SEC23A: variants seen among roughly 807,000 people sequenced by gnomAD.
SEC23A encodes the protein protein transport protein Sec23A.
Under a neutral mutation model 103.7 loss-of-function variants are expected in SEC23A, and 56 were observed. The observed-to-expected ratio is 0.54, with a 90% CI of 0.44 to 0.67. The LOEUF is 0.67. SEC23A is among the 30% of genes least tolerant of loss of function. The pLI is 0.00. For missense variants in SEC23A, 784 were observed against 936.4 expected (o/e 0.84, Z 2.12); for synonymous variants, 281 against 293.0 (o/e 0.96, Z 0.42).
chr14:39,102,516 C>G (rs1476766256), intron 1 of SEC23A, among the ~76,000 whole-genome samples: 2 of 152,178 alleles, frequency 1.3e-5, no homozygotes, highest in African/African-American at 4.8e-5. Context: ...AGAAAGAAAG[C>G]CCAGTGAGAT....
rs923252588 is a variant in SEC23A at position 39,085,640 on chromosome 14, T to C, written c.828+122A>G. On this transcript the variant is annotated intron_variant, in intron 7 of 19. Coordinates refer to ENST00000307712, the MANE Select transcript of SEC23A (RefSeq NM_006364.4). ...TCTTTGTTGATGCTGAGTGAGAGAA[T>C]AGGGAGGAAAAAAAGCACTTTGGTT... 3 of 1,155,244 alleles carry C rather than the reference T, an allele frequency of 2.6e-6. No individual in the cohort carries two copies. In the South Asian group the frequency reaches 3.8e-5, roughly 15 times the overall value. The allele number at this position is 1,155,244 out of a possible 1,614,324, so 71.6% of individuals were successfully genotyped here. A position where few individuals can be genotyped will look rare whatever the true frequency, so the allele number is the denominator to read the frequency against.
chr14:39,092,677 G>T, intron 3 of SEC23A, 50 bp from the exon 4 acceptor site: 1 of 1,058,840 alleles, frequency 9.4e-7, no homozygotes, highest in Non-Finnish European at 1.4e-6. Context: ...AGGCTAGAAA[G>T]ATTAATAAAA....
At position 39,074,595 on chromosome 14, in the gene SEC23A, C is replaced by T. The variant is rs140433917; in HGVS notation, c.988-65G>A. The stretch of plus-strand genomic sequence containing the variant: ...GTCCTATAAATCTTTTTTCCATTAA[C>T]AGATCAAAATGATCTAAGGACTAAA... On this transcript the variant is annotated intron_variant, in intron 8 of 19. Coordinates refer to ENST00000307712, the MANE Select transcript of SEC23A (RefSeq NM_006364.4). 1.7e-4 allele frequency: 165 copies of T among 969,980 alleles called. No individual in the cohort carries two copies. The African/African-American group carries it at 2.6e-3, about 16-fold the overall frequency. The allele number at this position is 969,980 out of a possible 1,614,324, so 60.1% of individuals were successfully genotyped here.
intron 14 of SEC23A, among the ~76,000 whole-genome samples, chr14:39,049,248 C>T (rs1052132210): frequency 1.3e-5 from 2 of 151,716 alleles, no homozygotes; most frequent in Admixed American, 6.6e-5. Context: ...GAGGCCAAGG[C>T]GGGCGGATCA....
chr14:39,079,851 T>A (rs1887161849), intron 7 of SEC23A, among the ~76,000 whole-genome samples: 2 of 152,054 alleles, frequency 1.3e-5, no homozygotes, highest in African/African-American at 4.8e-5. Context: ...TAAAATAAAA[T>A]AAAATCATAT....
intron 9 of SEC23A, among the ~76,000 whole-genome samples, chr14:39,067,764 G>A (rs945626476): frequency 4.0e-5 from 6 of 150,356 alleles, no homozygotes; most frequent in African/African-American, 1.5e-4. Context: ...ACAACCTCCT[G>A]GGCTCAAGTC....
intron 14 of SEC23A, among the ~76,000 whole-genome samples, chr14:39,049,856 G>A (rs1378685160): frequency 6.0e-5 from 9 of 151,184 alleles, no homozygotes; most frequent in Admixed American, 5.3e-4. Flanking sequence ...GCAGTGGCGC[G>A]ATCTCGGTTC....
chr14:39,099,491 T>TA (rs966494409), intron 1 of SEC23A, among the ~76,000 whole-genome samples: 1 of 152,164 alleles, frequency 6.6e-6, no homozygotes, highest in African/African-American at 2.4e-5. Context: ...CCTGCTACCA[T>TA]AAGCTTGACA....
chr14:39,095,566 G>A (rs570374781), intron 2 of SEC23A, among the ~76,000 whole-genome samples: 77 of 152,178 alleles, frequency 5.1e-4, no homozygotes, highest in Non-Finnish European at 8.8e-4. Flanking sequence ...CAAAGTGCTG[G>A]GATTACAGGC....
chr14:39,035,672 C>T (rs1405818674), intron 19 of SEC23A, among the ~76,000 whole-genome samples: 2 of 152,176 alleles, frequency 1.3e-5, no homozygotes, highest in Non-Finnish European at 2.9e-5. Context: ...CTCCTAGCCA[C>T]CTCCACAGAT....
intron 7 of SEC23A, among the ~76,000 whole-genome samples, chr14:39,081,094 T>A (rs148538834): frequency 2.1e-4 from 32 of 151,912 alleles, no homozygotes; most frequent in Middle Eastern, 3.4e-3. Flanking sequence ...CCCAGCTACT[T>A]GGGAGGAGTC....
At chr14:39,091,384 A>C in intron 5 of SEC23A, 93 bp downstream of exon 5, 1 of 841,666 alleles carries the variant, frequency 1.2e-6, no homozygotes, top group Non-Finnish European at 2.0e-6. Context: ...GTTATTCATA[A>C]TAAAAATTTG....
chr14:39,045,142 A>AT (rs762606695), intron 16 of SEC23A, 21 bp downstream of exon 16: 3 of 1,610,052 alleles, frequency 1.9e-6, no homozygotes, highest in Middle Eastern at 1.7e-4. Flanking sequence ...AGACCAATTT[A>AT]TTTTTTTCTG....
chr14:39,041,633 G>A (rs1373053290), intron 17 of SEC23A, among the ~76,000 whole-genome samples: 2 of 151,892 alleles, frequency 1.3e-5, no homozygotes, highest in East Asian at 3.9e-4. Flanking sequence ...ACTTCGGGAA[G>A]CCAACACGGG....
At chr14:39,101,546 C>G (rs1566520468) in intron 1 of SEC23A, among the ~76,000 whole-genome samples, 1 of 151,516 alleles carries the variant, frequency 6.6e-6, no homozygotes, top group South Asian at 2.1e-4. Flanking sequence ...TAGCTTGTAC[C>G]TGGGAGGCGG....
chr14:39,076,095 T>C lies in SEC23A; in HGVS notation c.829-2A>G. ...AGCACCAGTGTTGGGAAAAGTACAC[T>C]ATTAAAAAAAAAGTCAAGAGTTTAA... On this transcript the variant is annotated splice_acceptor_variant, in intron 7 of 19. Coordinates refer to ENST00000307712, the MANE Select transcript of SEC23A (RefSeq NM_006364.4). LOFTEE classifies it high-confidence loss of function. The C allele has an allele frequency of 6.2e-7, 1 of 1,604,596 alleles. No individual in the cohort carries two copies. The highest frequency in any genetic ancestry group is 1.1e-5 in the South Asian group (1 of 90,036).
intron 9 of SEC23A, among the ~76,000 whole-genome samples, chr14:39,071,874 A>G (rs912115184): frequency 6.6e-6 from 1 of 152,136 alleles, no homozygotes; most frequent in African/African-American, 2.4e-5. Context: ...AATAAAAAAG[A>G]AAGAAAAAGC....
chr14:39,041,458 T>TTG (rs1418531726), intron 17 of SEC23A: 79 of 147,200 alleles, frequency 5.4e-4, no homozygotes, highest in African/African-American at 1.7e-3. Flanking sequence ...TACAGGTTTT[T>TTG]TTTTTTTTTT....
intron 2 of SEC23A, among the ~76,000 whole-genome samples, chr14:39,095,598 A>G (rs1313879152): frequency 6.6e-6 from 1 of 152,016 alleles, no homozygotes; most frequent in Non-Finnish European, 1.5e-5. Flanking sequence ...CGCCCGGCCA[A>G]TTATGACTTA....
Sources: allele counts gnomAD v4.1 joint callset (sites outside exome capture counted in the v4.1 genomes callset), GRCh38; gene constraint gnomAD v4.1.1; transcripts MANE v1.5; gene names NCBI Gene and HGNC (gene_info 2026-07-23, HGNC 2026-07-21).